The following ZAN variants were observed in gnomAD, a reference collection of about 807,000 sequenced individuals.
ZAN encodes the protein zonadhesin.
A neutral mutation model predicts 286.2 loss-of-function variants in ZAN; 260 were observed. That is an observed-to-expected ratio of 0.91 (90% CI 0.82 to 1.01). The LOEUF is 1.01. ZAN is among the 50% of genes least tolerant of loss of function. The probability of loss-of-function intolerance (pLI) is 0.00; values close to 1 mark genes in which losing one functional copy is unlikely to be tolerated. For missense variants in ZAN, 3,410 were observed against 3,639.2 expected, an observed-to-expected ratio of 0.94 and a Z score of 1.62; for synonymous variants, 1,368 against 1,417.5, an observed-to-expected ratio of 0.97 and a Z score of 0.79.
At chr7:100,753,550 C>T (rs559007948) in intron 14 of ZAN, among the ~76,000 whole-genome samples, 11 of 151,848 alleles carry the variant, frequency 7.2e-5, no homozygotes, top group Admixed American at 6.6e-4. Context: ...AGGCCGGGCA[C>T]GGTAGCTCAA....
intron 2 of ZAN, 134 bp from the exon 3 acceptor site, chr7:100,735,586 T>G: frequency 1.5e-6 from 1 of 646,508 alleles, no homozygotes; most frequent in Non-Finnish European, 2.5e-6. Flanking sequence ...AGAAAAAAAG[T>G]CAAGTCAGAC....
chr7:100,789,945 CA>C (rs999768930), intron 39 of ZAN, among the ~76,000 whole-genome samples: 5 of 151,014 alleles, frequency 3.3e-5, no homozygotes, highest in African/African-American at 7.3e-5. Context: ...AACTCCATCT[CA>C]AAAAAAATTT....
chr7:100,767,799 C>A, intron 25 of ZAN, 32 bp from the exon 26 acceptor site: 1 of 1,594,068 alleles, frequency 6.3e-7, no homozygotes, highest in Non-Finnish European at 8.6e-7. Flanking sequence ...TCTTTCCTGA[C>A]TCTCCTTTCT....
Position 100,736,524 on chromosome 7 carries a change from C to T in ZAN, c.148C>T (p.Leu50Phe). ...TGATTTTGAGGATGACGCCAAACCC[C>T]TCTGTGACTGGTCCCAAGTGTCCGC... The part of the protein sequence containing the change: ...QCDFEDDAKP[L>F]CDWSQVSADD... The change falls in exon 4 of 48, where the codon CTC (leucine) becomes TTC (phenylalanine). Residue 50 changes from leucine (L) to phenylalanine (F), a missense_variant. Physicochemically the swap from Leu to Phe is conservative, Grantham distance 22. Around this residue, in one of 7 missense-constraint regions of ZAN, gnomAD observed 872 missense variants for 938.9 expected, o/e 0.93. Transcript: ENST00000613979. The T allele has an allele frequency of 2.0e-6, 3 of 1,524,158 alleles. 1 individual carries two copies. The highest frequency in any genetic ancestry group is 2.7e-6 in the Non-Finnish European group (3 of 1,108,144). 94.4% of individuals were successfully genotyped at this position (1,524,158 alleles called of 1,614,324 possible). A position where few individuals can be genotyped will look rare whatever the true frequency, so the allele number is the denominator to read the frequency against.
rs753967647 is a variant in ZAN at position 100,763,868 on chromosome 7, C to T, written c.4049C>T (p.Ser1350Leu). 26 of 1,614,040 alleles carry T rather than the reference C, an allele frequency of 1.6e-5. No individual in the cohort carries two copies. The highest frequency in any genetic ancestry group is 3.3e-4 in the Middle Eastern group (2 of 6,062). ...SCDSSLQSSM[S>L]GPGFCGRLVD... ...GATTCATCTCTGCAGAGCAGCATGT[C>T]GGGGCCAGGGTTCTGTGGACGGCTG... The change falls in exon 21 of 48, where the codon TCG becomes TTG. Residue 1350 changes from serine (S) to leucine (L), a missense_variant. Coordinates refer to ENST00000613979, the MANE Select transcript of ZAN (RefSeq NM_003386.3). This position sits in a 1 kb window ranked among gnomAD's most constrained non-coding sequence, Gnocchi z 4.6.
chr7:100,749,981 G>A (rs939077180), intron 11 of ZAN, among the ~76,000 whole-genome samples: 2 of 148,162 alleles, frequency 1.3e-5, no homozygotes, highest in Admixed American at 6.8e-5. Flanking sequence ...AACCTGGGAG[G>A]TGGAGGTTGT....
chr7:100,746,560 C>G lies in ZAN; in HGVS notation c.789C>G (p.Asp263Glu). The G allele has an allele frequency of 6.2e-7, 1 of 1,613,948 alleles. No individual in the cohort carries two copies. Among genetic ancestry groups the G allele is most frequent in the Admixed American group, 1.7e-5 (1 of 59,992 alleles). The stretch of plus-strand genomic sequence containing the variant: ...CAGGTGGCTGCTACATGCTCCTGGA[C>G]CCCAAGAATGCAAGACCTGGGCAGA... The part of the protein sequence containing the change: ...SPGSGCYMLL[D>E]PKNARPGQKA... Residue 263 changes from aspartate to glutamate, a missense_variant, in exon 8 of 48, where the codon GAC becomes GAG. Physicochemically the swap from Asp to Glu is conservative, Grantham distance 45. Coordinates refer to ENST00000613979, the MANE Select transcript of ZAN (RefSeq NM_003386.3).
In ZAN at chr7:100,773,851, A is replaced by G. The variant is rs78193191; in HGVS notation, c.5765A>G (p.His1922Arg). Residue 1922 changes from histidine to arginine, a missense_variant, in exon 31 of 48, where the codon CAT (histidine) becomes CGT (arginine). Physicochemically the swap from His to Arg is conservative, Grantham distance 29. Coordinates refer to ENST00000613979, the MANE Select transcript of ZAN (RefSeq NM_003386.3). ...QICWALDGLL[H>R]CRASGVGVCQ... is the part of the protein sequence containing the mutation. ...TGCTGGGCCCTGGATGGGCTGCTCCATTGTCGGGCCTCAGGTAGGAGGACC... is the reference window on the plus strand; with the variant it reads ...TGCTGGGCCCTGGATGGGCTGCTCCGTTGTCGGGCCTCAGGTAGGAGGACC... 262,006 of 719,246 alleles carry G rather than the reference A, an allele frequency of 0.36. 30,217 individuals are homozygous for G. The highest frequency in any genetic ancestry group is 0.68 in the African/African-American group (44,941 of 66,168). The allele number at this position is 719,246 out of a possible 1,614,324, so 44.6% of individuals were successfully genotyped here. A position where few individuals can be genotyped will look rare whatever the true frequency, so the allele number is the denominator to read the frequency against.
At position 100,786,071 on chromosome 7, in the gene ZAN, CTT is replaced by C; in HGVS notation, c.6910_6911del (p.Phe2304ProfsTer25). On this transcript the variant is annotated frameshift_variant, in exon 37 of 48. Transcript: ENST00000613979. LOFTEE classifies it high-confidence loss of function. ...CGGGAGGAGCCATTCAGTGCGGGGA[CTT>C]CCGATGCCCCTCTGGGTCCCACTGC... Reference protein sequence around the residue: ...CTGGAIQCGDFRCPSGSHCQL... With the variant: ...CTGGAIQCGDXRCPSGSHCQL... 6.2e-7 allele frequency: 1 copy of C among 1,614,036 alleles called. No individual in the cohort carries two copies. The highest frequency in any genetic ancestry group is 1.1e-5 in the South Asian group (1 of 91,090).
rs761275657 is a variant in ZAN at position 100,763,934 on chromosome 7, C to T, written c.4097+18C>T. 1 of 1,610,360 alleles carries T rather than the reference C, an allele frequency of 6.2e-7. No individual in the cohort carries two copies. The highest frequency in any genetic ancestry group is 8.5e-7 in the Non-Finnish European group (1 of 1,178,680). ...CCATTTGAGTATGAAGGAGGGCAGG[C>T]AGGGTCGCACAGGGGCGATGCTTGG... On this transcript the variant is annotated intron_variant, in intron 21 of 47. Transcript: ENST00000613979. This position sits in a 1 kb window ranked among gnomAD's most constrained non-coding sequence, Gnocchi z 4.6.
Position 100,745,223 on chromosome 7 carries a change from T to G in ZAN, c.767-1315T>G, listed in dbSNP as rs529278654. 5.3e-4 allele frequency among the ~76,000 whole-genome samples: 80 copies of G among 151,638 alleles called. 2 individuals are homozygous for G. The highest frequency in any genetic ancestry group is 1.9e-3 in the African/African-American group (79 of 41,254). Reference sequence around the variant, plus strand: ...TCTTTCATCATTTTCCCACTTCCTTTCCTTTCCCTTCCCTCTTCCTTCCCG... The same window carrying G: ...TCTTTCATCATTTTCCCACTTCCTTGCCTTTCCCTTCCCTCTTCCTTCCCG... On this transcript the variant is annotated intron_variant, in intron 7 of 47. Coordinates refer to ENST00000613979, the MANE Select transcript of ZAN (RefSeq NM_003386.3).
intron 18 of ZAN, 58 bp downstream of exon 18, chr7:100,759,903 C>A (rs1168293955): frequency 1.3e-6 from 2 of 1,566,766 alleles, no homozygotes; most frequent in Admixed American, 3.5e-5. Context: ...TCCTGGCCAA[C>A]CCTTCCAATC....
intron 14 of ZAN, 23 bp downstream of exon 14, chr7:100,753,252 G>A (rs753033848): frequency 1.3e-6 from 2 of 1,546,890 alleles, no homozygotes; most frequent in African/African-American, 2.8e-5. Flanking sequence ...TGGAGCGTGG[G>A]CCAAGGCTGA....
chr7:100,769,997 CT>C (rs1473806873), intron 28 of ZAN, 23 bp downstream of exon 28: 3 of 1,549,846 alleles, frequency 1.9e-6, no homozygotes, highest in Non-Finnish European at 1.7e-6. Flanking sequence ...CCTGCTGGCC[CT>C]TTTTCCTCCC....
chr7:100,734,929 T>C lies in ZAN; in HGVS notation c.53+708T>C, dbSNP rs913813629. Among the ~76,000 whole-genome samples, 5 of 140,960 alleles carry C rather than the reference T, an allele frequency of 3.5e-5. 1 individual carries two copies. The highest frequency in any genetic ancestry group is 2.8e-4 in the Admixed American group (4 of 14,170). 92.5% of individuals were successfully genotyped at this position (140,960 alleles called of 152,430 possible). ...GGCCAAGCGCGGCGGCTCACCCCTG[T>C]AATCCCAGCACTTTGGGAGGCCGAG... is the stretch of plus-strand genomic sequence containing the variant. On this transcript the variant is annotated intron_variant, in intron 2 of 47. Coordinates refer to ENST00000613979, the MANE Select transcript of ZAN (RefSeq NM_003386.3).
intron 11 of ZAN, among the ~76,000 whole-genome samples, chr7:100,750,293 C>T (rs1009134091): frequency 2.0e-5 from 3 of 151,890 alleles, no homozygotes; most frequent in African/African-American, 7.3e-5. Context: ...CGGGCCACCA[C>T]GCCCAGCTAA....
intron 22 of ZAN, among the ~76,000 whole-genome samples, chr7:100,764,670 C>T (rs1328099350): frequency 6.7e-6 from 1 of 149,282 alleles, no homozygotes; most frequent in Non-Finnish European, 1.5e-5. Context: ...GCCTGGGTGA[C>T]AGAATGAGAC....
Position 100,746,525 on chromosome 7 carries a change from T to G in ZAN, c.767-13T>G, listed in dbSNP as rs1808229708. On this transcript the variant is annotated splice_polypyrimidine_tract_variant and intron_variant, in intron 7 of 47. Transcript: ENST00000613979. ...TTCCATCCACCCCAGTTCCCTGGCC[T>G]TTTGCTTCACAGGTGGCTGCTACAT... is the stretch of plus-strand genomic sequence containing the variant. The G allele has an allele frequency of 6.2e-7, 1 of 1,613,434 alleles. No individual in the cohort carries two copies. Among genetic ancestry groups the G allele is most frequent in the African/African-American group, 1.3e-5 (1 of 74,904 alleles).
At chr7:100,739,731 C>T (rs1807610021) in intron 7 of ZAN, among the ~76,000 whole-genome samples, 1 of 139,262 alleles carries the variant, frequency 7.2e-6, no homozygotes, top group African/African-American at 2.6e-5. Context: ...TATCTCGGCT[C>T]ACTGCAAGCT....
Sources: allele counts gnomAD v4.1 joint callset (sites outside exome capture counted in the v4.1 genomes callset), GRCh38; gene constraint gnomAD v4.1.1; regional missense constraint gnomAD v4.1.1; non-coding constraint Gnocchi (gnomAD v3.1); transcripts MANE v1.5; gene names NCBI Gene and HGNC (gene_info 2026-07-23, HGNC 2026-07-21).